UBLCP1: variants seen among roughly 807,000 people sequenced by gnomAD.
UBLCP1 encodes the protein ubiquitin like domain containing CTD phosphatase 1.
UBLCP1 carries 28 observed loss-of-function variants against 42.4 expected under a neutral mutation model. The observed-to-expected ratio is 0.66, with a 90% confidence interval of 0.49 to 0.90. UBLCP1 has a LOEUF of 0.90. Ranked by LOEUF, UBLCP1 falls within the 40% of genes least tolerant of loss-of-function variation. The pLI is 0.00. For synonymous variants in UBLCP1, 122 were observed against 120.8 expected, an observed-to-expected ratio of 1.01 and a Z score of -0.07; for missense variants, 279 against 374.5, an observed-to-expected ratio of 0.75 and a Z score of 2.10.
At chr5:159,284,125 G>A (rs1018972450) in intron 10 of UBLCP1, among the ~76,000 whole-genome samples, 1 of 152,110 alleles carries the variant, frequency 6.6e-6, no homozygotes. Flanking sequence ...TCTTCTAAGA[G>A]TCTATAATCC....
intron 6 of UBLCP1, among the ~76,000 whole-genome samples, chr5:159,274,193 T>C (rs955546451): frequency 1.3e-5 from 2 of 152,166 alleles, no homozygotes; most frequent in Non-Finnish European, 2.9e-5. Flanking sequence ...ATTGACACTA[T>C]GTATACCTGT....
intron 8 of UBLCP1, among the ~76,000 whole-genome samples, chr5:159,275,942 C>T (rs1753531131): frequency 6.6e-6 from 1 of 152,138 alleles, no homozygotes; most frequent in Non-Finnish European, 1.5e-5. Flanking sequence ...CATCATGATG[C>T]ATGTACTTTG....
intron 9 of UBLCP1, among the ~76,000 whole-genome samples, chr5:159,278,759 G>C (rs1753570059): frequency 6.6e-6 from 1 of 151,988 alleles, no homozygotes; most frequent in Non-Finnish European, 1.5e-5. Context: ...TTTTAGTAGA[G>C]ACAGGGTTTC....
chr5:159,268,949 C>T lies in UBLCP1; in HGVS notation c.34C>T (p.Gln12Ter). The T allele has an allele frequency of 6.2e-7, 1 of 1,610,948 alleles. No individual in the cohort carries two copies. ...CCCTATCATTGTAAAATGGGGTGGA[C>T]AGGAGTATTCAGTGACCACACTTTC... ...ALPIIVKWGG[Q>*]EYSVTTLSED... is the part of the protein sequence containing the mutation. Residue 12 changes from glutamine (Q) to a stop codon, truncating the protein, a stop_gained, in exon 2 of 11, where the codon CAG becomes TAG. Transcript: ENST00000296786. LOFTEE classifies it high-confidence loss of function.
intron 10 of UBLCP1, 77 bp from the exon 11 acceptor site, chr5:159,284,827 C>A: frequency 6.7e-7 from 1 of 1,502,736 alleles, no homozygotes. Flanking sequence ...AGAACAAACT[C>A]CTTTGGGAGC....
chr5:159,272,015 T>C lies in UBLCP1; in HGVS notation c.449-8T>C. ...ACTAATAATTATTTATGATCAATTT[T>C]CTTTTAGACCACAGGTCTTGTGCAG... is the stretch of plus-strand genomic sequence containing the variant. On this transcript the variant is annotated splice_region_variant and splice_polypyrimidine_tract_variant and intron_variant, in intron 5 of 10. Coordinates refer to ENST00000296786, the MANE Select transcript of UBLCP1 (RefSeq NM_145049.5). 12 of 1,603,124 alleles carry C rather than the reference T, an allele frequency of 7.5e-6. No individual in the cohort carries two copies. Among genetic ancestry groups the C allele is most frequent in the Non-Finnish European group, 1.0e-5 (12 of 1,171,258 alleles).
At chr5:159,264,088 T>A (rs1257814149) in intron 1 of UBLCP1, among the ~76,000 whole-genome samples, 1 of 152,218 alleles carries the variant, frequency 6.6e-6, no homozygotes, top group Non-Finnish European at 1.5e-5. Flanking sequence ...TGTTACTTCA[T>A]ACCTTAACAC....
At chr5:159,271,790 A>T (rs1753470043) in intron 5 of UBLCP1, among the ~76,000 whole-genome samples, 2 of 152,244 alleles carry the variant, frequency 1.3e-5, no homozygotes, top group Admixed American at 6.5e-5. Context: ...CTGAATTTTC[A>T]GTATTGCTTT....
At chr5:159,263,750 C>T (rs190011230) in intron 1 of UBLCP1, among the ~76,000 whole-genome samples, 1 of 152,366 alleles carries the variant, frequency 6.6e-6, no homozygotes, top group African/African-American at 2.4e-5. Context: ...CCTGCACCAC[C>T]TCGCAGTTGT....
intron 9 of UBLCP1, among the ~76,000 whole-genome samples, chr5:159,281,989 T>C (rs188945066): frequency 1.1e-4 from 17 of 152,206 alleles, no homozygotes; most frequent in Admixed American, 1.0e-3. Context: ...TTTAGGAATA[T>C]GTATGATTTT....
At position 159,270,414 on chromosome 5, in the gene UBLCP1, A is replaced by G. The variant is rs1432997552; in HGVS notation, c.301A>G (p.Ile101Val). The G allele has an allele frequency of 1.2e-6, 2 of 1,613,552 alleles. No homozygotes were observed. Among genetic ancestry groups the G allele is most frequent in the South Asian group, 2.2e-5 (2 of 91,050 alleles). ...DNDDVVNDFD[I>V]EDEVVEVENR... ...TGATGATGTTGTTAATGACTTTGAT[A>G]TTGAAGATGAAGTAGTTGAAGTAGA... The change falls in exon 4 of 11, where the codon ATT (isoleucine) becomes GTT (valine). Residue 101 changes from isoleucine (I) to valine (V), a missense_variant. Ile to Val is a conservative substitution (Grantham distance 29). Coordinates refer to ENST00000296786, the MANE Select transcript of UBLCP1 (RefSeq NM_145049.5).
chr5:159,281,070 A>AT (rs943967056), intron 9 of UBLCP1, among the ~76,000 whole-genome samples: 1 of 152,180 alleles, frequency 6.6e-6, no homozygotes, highest in Non-Finnish European at 1.5e-5. Context: ...AGGTGCATAG[A>AT]TTTTCACCCT....
Position 159,272,129 on chromosome 5 carries a change from G to A in UBLCP1, c.547+8G>A. On this transcript the variant is annotated splice_region_variant and intron_variant, in intron 6 of 10. Coordinates refer to ENST00000296786, the MANE Select transcript of UBLCP1 (RefSeq NM_145049.5). ...ATGACATTGTTATTTGGTGTAAGCT[G>A]TATTTTTTTGTTTAGATTTCCGTGG... is the stretch of plus-strand genomic sequence containing the variant. The A allele has an allele frequency of 6.2e-7, 1 of 1,605,546 alleles. No homozygotes were observed.
chr5:159,274,509 A>T, intron 6 of UBLCP1, 76 bp from the exon 7 acceptor site: 1 of 1,319,072 alleles, frequency 7.6e-7, no homozygotes, highest in Non-Finnish European at 1.1e-6. Flanking sequence ...TTGCTTAGAA[A>T]ACTTACTTAT....
At chr5:159,284,711 T>C (rs1326597794) in intron 10 of UBLCP1, among the ~76,000 whole-genome samples, 193 bp from the exon 11 acceptor site, 1 of 152,196 alleles carries the variant, frequency 6.6e-6, no homozygotes, top group East Asian at 1.9e-4. Flanking sequence ...CTCAGAGCTG[T>C]TGTGAAGACT....
In UBLCP1 at chr5:159,267,194, A is replaced by G. The variant is rs192964189; in HGVS notation, c.-46-1676A>G. ...GGGAGGGTTTACCTTGCAAAGCCAC[A>G]GGGGTGGAGCTATCCAAGACCATAG... On this transcript the variant is annotated intron_variant, in intron 1 of 10. Transcript: ENST00000296786. 2.6e-5 allele frequency among the ~76,000 whole-genome samples: 4 copies of G among 152,308 alleles called. No individual in the cohort carries two copies. In the East Asian group the frequency reaches 7.7e-4, roughly 29 times the overall value.
intron 10 of UBLCP1, among the ~76,000 whole-genome samples, chr5:159,283,786 T>C (rs142743829): frequency 4.1e-4 from 62 of 152,240 alleles, no homozygotes; most frequent in African/African-American, 1.0e-3. Flanking sequence ...TAGAAAAGTT[T>C]ATCCTACTAA....
rs1179884190 is a variant in UBLCP1 at position 159,268,942 on chromosome 5, G to C, written c.27G>C (p.Trp9Cys). 1 of 1,609,848 alleles carries C rather than the reference G, an allele frequency of 6.2e-7. No individual in the cohort carries two copies. The highest frequency in any genetic ancestry group is 8.5e-7 in the Non-Finnish European group (1 of 1,178,584). MALPIIVKWGGQEYSVTTL... is the reference protein window; with the variant it reads MALPIIVKCGGQEYSVTTL... ...TGGCTCTCCCTATCATTGTAAAATG[G>C]GGTGGACAGGAGTATTCAGTGACCA... Residue 9 changes from tryptophan (W) to cysteine (C), a missense_variant, in exon 2 of 11, where the codon TGG becomes TGC. Physicochemically the swap from Trp to Cys is radical, Grantham distance 215. Coordinates refer to ENST00000296786, the MANE Select transcript of UBLCP1 (RefSeq NM_145049.5).
chr5:159,282,564 G>A (rs1345798065), intron 9 of UBLCP1, among the ~76,000 whole-genome samples: 1 of 152,092 alleles, frequency 6.6e-6, no homozygotes, highest in Non-Finnish European at 1.5e-5. Flanking sequence ...GACATGTGTG[G>A]TTTGAAATAA....
Sources: gnomAD v4.1 joint callset for allele counts (sites outside exome capture counted in the v4.1 genomes callset) on GRCh38, gnomAD v4.1.1 for gene constraint, MANE v1.5 for transcripts, NCBI Gene and HGNC (gene_info 2026-07-23, HGNC 2026-07-21) for gene names.